TMEM132C: variants seen among roughly 807,000 people sequenced by gnomAD.
The protein encoded by TMEM132C is protein phosphatase 1, regulatory subunit 152.
In TMEM132C, 29 loss-of-function variants were observed where a neutral mutation model predicts 61.4. That is an observed-to-expected ratio of 0.47 (90% CI 0.35 to 0.64). The LOEUF (loss-of-function observed/expected upper bound fraction) is 0.64, where lower values mean the gene tolerates loss of function less well. TMEM132C is among the 30% of genes least tolerant of loss of function. The pLI, the probability that TMEM132C is intolerant of heterozygous loss-of-function variation, is 0.00. For synonymous variants in TMEM132C, 656 were observed against 633.1 expected, an observed-to-expected ratio of 1.04 and a Z score of -0.54; for missense variants, 1,408 against 1,476.9, an observed-to-expected ratio of 0.95 and a Z score of 0.76.
chr12:128,697,072 G>T (rs767498836), intron 7 of TMEM132C, among the ~76,000 whole-genome samples, 152 bp from the exon 8 acceptor site: 1 of 152,186 alleles, frequency 6.6e-6, no homozygotes, highest in Non-Finnish European at 1.5e-5. Context: ...GGCATGGGAT[G>T]GGCCAGCATA....
At chr12:128,426,168 C>T (rs1167554038) in intron 2 of TMEM132C, among the ~76,000 whole-genome samples, 1 of 152,244 alleles carries the variant, frequency 6.6e-6, no homozygotes, top group Non-Finnish European at 1.5e-5. Flanking sequence ...GAATAAACTC[C>T]TCTCCGCCGG....
At chr12:128,597,218 G>A (rs368684807) in intron 3 of TMEM132C, among the ~76,000 whole-genome samples, 1 of 152,180 alleles carries the variant, frequency 6.6e-6, no homozygotes, top group African/African-American at 2.4e-5. Flanking sequence ...AGTGGGTCAC[G>A]TCTGTAATCC....
intron 2 of TMEM132C, among the ~76,000 whole-genome samples, chr12:128,512,933 G>A (rs756510996): frequency 3.3e-5 from 5 of 152,316 alleles, no homozygotes; most frequent in East Asian, 1.9e-4. Context: ...TGCGACAGAC[G>A]TATATATGGA....
intron 2 of TMEM132C, among the ~76,000 whole-genome samples, chr12:128,431,073 T>C (rs1291711292): frequency 6.6e-6 from 1 of 152,234 alleles, no homozygotes; most frequent in Non-Finnish European, 1.5e-5. Flanking sequence ...AGGCCTCTTA[T>C]GCCAGTTACC....
chr12:128,698,004 G>T (rs1427031317), intron 8 of TMEM132C, among the ~76,000 whole-genome samples: 1 of 152,180 alleles, frequency 6.6e-6, no homozygotes. Flanking sequence ...TTTGCTCACA[G>T]CGAATGGGTC....
At chr12:128,373,559 G>A (rs954200398) in intron 1 of TMEM132C, among the ~76,000 whole-genome samples, 3 of 152,194 alleles carry the variant, frequency 2.0e-5, no homozygotes, top group Non-Finnish European at 2.9e-5. Flanking sequence ...CCAATTCCTC[G>A]TTGGTGGCTC....
At chr12:128,506,990 G>A (rs113671791) in intron 2 of TMEM132C, among the ~76,000 whole-genome samples, 2,010 of 152,152 alleles carry the variant, frequency 0.013, 31 homozygotes, top group African/African-American at 0.042. Context: ...CACCCCAGGA[G>A]AGCATACCCT....
chr12:128,382,287 G>T (rs956363110), intron 1 of TMEM132C, among the ~76,000 whole-genome samples: 1 of 152,056 alleles, frequency 6.6e-6, no homozygotes, highest in Non-Finnish European at 1.5e-5. Context: ...CTATCATACT[G>T]ACGTACTGCA....
intron 1 of TMEM132C, among the ~76,000 whole-genome samples, chr12:128,306,465 G>T (rs566954453): frequency 6.6e-6 from 1 of 152,044 alleles, no homozygotes; most frequent in African/African-American, 2.4e-5. Context: ...GCCTCCCAAA[G>T]TGCTGGGATT....
chr12:128,523,413 C>T (rs1202043084), intron 2 of TMEM132C, among the ~76,000 whole-genome samples: 1 of 152,176 alleles, frequency 6.6e-6, no homozygotes, highest in Non-Finnish European at 1.5e-5. Flanking sequence ...TAAGATGCTA[C>T]ATTTTATGTT....
intron 1 of TMEM132C, among the ~76,000 whole-genome samples, chr12:128,275,404 T>G (rs1161944468): frequency 2.0e-5 from 3 of 152,190 alleles, no homozygotes; most frequent in Non-Finnish European, 4.4e-5. Flanking sequence ...ATGCTCCTTA[T>G]GAGAATCTAA....
chr12:128,339,711 C>T (rs1347191119), intron 1 of TMEM132C, among the ~76,000 whole-genome samples: 1 of 151,858 alleles, frequency 6.6e-6, no homozygotes, highest in African/African-American at 2.4e-5. Context: ...AGCAGTGCAG[C>T]CTGCAGCTCT....
At chr12:128,470,042 C>G (rs1870895185) in intron 2 of TMEM132C, among the ~76,000 whole-genome samples, 1 of 152,190 alleles carries the variant, frequency 6.6e-6, no homozygotes, top group Non-Finnish European at 1.5e-5. Flanking sequence ...CAAAAGACTT[C>G]ATGACACCCA....
chr12:128,612,490 G>A (rs1876668386), intron 3 of TMEM132C, among the ~76,000 whole-genome samples: 1 of 152,208 alleles, frequency 6.6e-6, no homozygotes, highest in Admixed American at 6.5e-5. Context: ...GTTCCAAACA[G>A]GATCCTGCTG....
intron 2 of TMEM132C, among the ~76,000 whole-genome samples, chr12:128,456,317 A>T (rs1198600700): frequency 2.3e-5 from 3 of 133,160 alleles, no homozygotes; most frequent in African/African-American, 5.5e-5. Flanking sequence ...TTATTAACAT[A>T]ATTTACTACA....
rs576200817 is a variant in TMEM132C at position 128,665,543 on chromosome 12, G to A, written c.1306-3874G>A. Reference sequence around the variant, plus strand: ...CACTCACACATACACAAATGCAGGCGCAAAAATACAGGCGCACACACACAC... The same window carrying A: ...CACTCACACATACACAAATGCAGGCACAAAAATACAGGCGCACACACACAC... On this transcript the variant is annotated intron_variant, in intron 4 of 8. Coordinates refer to ENST00000435159, the MANE Select transcript of TMEM132C (RefSeq NM_001136103.3). Among the ~76,000 whole-genome samples, 99 of 94,946 alleles carry A rather than the reference G, an allele frequency of 1.0e-3. 2 individuals are homozygous for A. The highest frequency in any genetic ancestry group is 9.4e-3 in the South Asian group (27 of 2,886). 62.3% of individuals were successfully genotyped at this position (94,946 alleles called of 152,430 possible). A position where few individuals can be genotyped will look rare whatever the true frequency, so the allele number is the denominator to read the frequency against.
At chr12:128,625,166 C>T (rs930853396) in intron 4 of TMEM132C, among the ~76,000 whole-genome samples, 2 of 152,242 alleles carry the variant, frequency 1.3e-5, no homozygotes, top group African/African-American at 4.8e-5. Flanking sequence ...TAACCTCTAA[C>T]TGAAACTGAG....
intron 1 of TMEM132C, among the ~76,000 whole-genome samples, chr12:128,358,924 A>C (rs2135969866): frequency 6.6e-6 from 1 of 152,254 alleles, no homozygotes; most frequent in East Asian, 1.9e-4. Context: ...AGTCACACAA[A>C]TGGTAGTATT....
chr12:128,480,382 C>T (rs915465317), intron 2 of TMEM132C, among the ~76,000 whole-genome samples: 9 of 152,216 alleles, frequency 5.9e-5, no homozygotes, highest in Admixed American at 2.0e-4. Context: ...ATTTCTTAAG[C>T]TAAAGTAGAC....
Sources: allele counts gnomAD v4.1 joint callset (sites outside exome capture counted in the v4.1 genomes callset), GRCh38; gene constraint gnomAD v4.1.1; transcripts MANE v1.5; gene names NCBI Gene and HGNC (gene_info 2026-07-23, HGNC 2026-07-21).